Variants in NIN observed in about 807,000 individuals in gnomAD.
NIN encodes the protein ninein, also known as glycogen synthase kinase 3 beta-interacting protein.
In NIN, 137 loss-of-function variants were observed where a neutral mutation model predicts 257.6. The ratio of observed to expected loss-of-function variants is 0.53; its 90% confidence interval spans 0.46 to 0.61. NIN has a LOEUF of 0.61. Among genes scored for constraint, NIN ranks in the 20% least tolerant of loss-of-function variants. The pLI is 0.00. For synonymous variants in NIN, 918 were observed against 919.8 expected (o/e 1.00, Z 0.04); for missense variants, 2,439 against 2,501.2 (o/e 0.98, Z 0.53).
chr14:50,830,151 G>A (rs1034109172), intron 2 of NIN, among the ~76,000 whole-genome samples: 2 of 152,184 alleles, frequency 1.3e-5, no homozygotes, highest in African/African-American at 4.8e-5. Context: ...GGCTGTACGG[G>A]CGGCACATGC....
intron 3 of NIN, among the ~76,000 whole-genome samples, chr14:50,816,909 C>A (rs2044926189): frequency 6.6e-6 from 1 of 152,136 alleles, no homozygotes. Flanking sequence ...ACAGACACAA[C>A]GATGTACTGT....
At position 50,758,407 on chromosome 14, in the gene NIN, G is replaced by C; in HGVS notation, c.2623C>G (p.Leu875Val). The C allele has an allele frequency of 1.2e-6, 2 of 1,613,996 alleles. No individual in the cohort carries two copies. The highest frequency in any genetic ancestry group is 1.7e-6 in the Non-Finnish European group (2 of 1,179,862). Residue 875 changes from leucine to valine, a missense_variant, in exon 18 of 31, where the codon CTG (leucine) becomes GTG (valine). Physicochemically the swap from Leu to Val is conservative, Grantham distance 32. Around this residue, in one of 3 missense-constraint regions of NIN, gnomAD observed 2,043 missense variants for 2,050.2 expected, o/e 1.00. Coordinates refer to ENST00000530997, the MANE Select transcript of NIN (RefSeq NM_020921.4). ...TCTCTCTTAAGAGTCTCTTTCAGCA[G>C]CTCCTGGGCTTCCGCACACTCCTGG... Reference protein sequence around the residue: ...LTQECAEAQELLKETLKREKT... With the variant: ...LTQECAEAQEVLKETLKREKT...
At chr14:50,794,761 TAAAAA>T (rs900112232) in intron 4 of NIN, among the ~76,000 whole-genome samples, 1 of 125,062 alleles carries the variant, frequency 8.0e-6, no homozygotes, top group African/African-American at 2.9e-5. Context: ...ATTCAGAGGT[TAAAAA>T]AAAAAAAAAA....
At chr14:50,808,259 G>C (rs978882718) in intron 3 of NIN, among the ~76,000 whole-genome samples, 1 of 152,196 alleles carries the variant, frequency 6.6e-6, no homozygotes, top group Non-Finnish European at 1.5e-5. Flanking sequence ...GGGGCGGCCA[G>C]GTCCTGCTAC....
intron 2 of NIN, among the ~76,000 whole-genome samples, chr14:50,824,374 A>G (rs1044841595): frequency 2.0e-5 from 3 of 151,988 alleles, no homozygotes; most frequent in African/African-American, 7.3e-5. Flanking sequence ...TCTTTTCTTT[A>G]TCTCTTTATT....
At chr14:50,727,353 C>A in intron 29 of NIN, 1 of 990,368 alleles carries the variant, frequency 1.0e-6, no homozygotes. Flanking sequence ...AAAAGTAGTA[C>A]CTTTGGTTAA....
At chr14:50,790,276 G>T (rs2043535141) in intron 5 of NIN, among the ~76,000 whole-genome samples, 1 of 152,098 alleles carries the variant, frequency 6.6e-6, no homozygotes, top group Non-Finnish European at 1.5e-5. Flanking sequence ...GGCTGGTCTT[G>T]AACTCCTGGG....
rs772580772 is a variant in NIN at position 50,754,642 on chromosome 14, A to G, written c.4665-10T>C. ...AGTTTCCGTTTTTTGCCTAAAAGGA[A>G]TGATGAAAATAAAATTTAATGGTTA... On this transcript the variant is annotated splice_polypyrimidine_tract_variant and intron_variant, in intron 19 of 30. Transcript: ENST00000530997. The G allele has an allele frequency of 6.2e-7, 1 of 1,605,312 alleles. No individual in the cohort carries two copies. Among genetic ancestry groups the G allele is most frequent in the South Asian group, 1.1e-5 (1 of 89,148 alleles).
At chr14:50,820,011 C>T (rs2045123897) in intron 3 of NIN, among the ~76,000 whole-genome samples, 1 of 152,062 alleles carries the variant, frequency 6.6e-6, no homozygotes, top group South Asian at 2.1e-4. Flanking sequence ...ATGGCCAAGT[C>T]TGTGTGATCA....
chr14:50,787,189 C>A (rs1196732269), intron 5 of NIN, among the ~76,000 whole-genome samples: 2 of 152,218 alleles, frequency 1.3e-5, no homozygotes, highest in East Asian at 3.8e-4. Context: ...AAGAATCTTA[C>A]TAGACCCGAT....
intron 16 of NIN, among the ~76,000 whole-genome samples, chr14:50,761,016 C>G (rs544714572): frequency 3.9e-5 from 6 of 152,226 alleles, no homozygotes; most frequent in African/African-American, 1.4e-4. Flanking sequence ...GAACACCTAT[C>G]AGGTACTTGC....
intron 12 of NIN, among the ~76,000 whole-genome samples, chr14:50,767,594 GATC>G (rs1555383846): frequency 6.6e-6 from 1 of 152,128 alleles, no homozygotes; most frequent in Non-Finnish European, 1.5e-5. Flanking sequence ...AAGGTGGGCG[GATC>G]ATGAGGTCAG....
At position 50,770,381 on chromosome 14, in the gene NIN, T is replaced by C; in HGVS notation, c.1434+7A>G. On this transcript the variant is annotated splice_region_variant and intron_variant, in intron 12 of 30. Transcript: ENST00000530997. ...GACGCAGACCACAGAACTAATAAGA[T>C]GATTACCTTTAAAGAGAGGGCAAGG... is the stretch of plus-strand genomic sequence containing the variant. The C allele has an allele frequency of 6.2e-7, 1 of 1,613,754 alleles. No individual in the cohort carries two copies. Among genetic ancestry groups the C allele is most frequent in the East Asian group, 2.2e-5 (1 of 44,876 alleles).
intron 2 of NIN, among the ~76,000 whole-genome samples, chr14:50,826,887 A>T (rs1402207726): frequency 6.6e-6 from 1 of 152,178 alleles, no homozygotes; most frequent in Non-Finnish European, 1.5e-5. Flanking sequence ...TTGAGAGGGC[A>T]TCATAATAGA....
intron 3 of NIN, among the ~76,000 whole-genome samples, chr14:50,818,071 C>G (rs1192220467): frequency 6.6e-6 from 1 of 151,420 alleles, no homozygotes; most frequent in East Asian, 2.0e-4. Context: ...CGCCTGTAAC[C>G]CCAGCACTTT....
chr14:50,815,691 C>T (rs2044859552), intron 3 of NIN, among the ~76,000 whole-genome samples: 1 of 152,072 alleles, frequency 6.6e-6, no homozygotes, highest in Non-Finnish European at 1.5e-5. Flanking sequence ...ACATATATAC[C>T]ATGGAATACT....
chr14:50,810,230 C>CAAAAAA (rs57511926), intron 3 of NIN, among the ~76,000 whole-genome samples: 4 of 73,080 alleles, frequency 5.5e-5, no homozygotes, highest in African/African-American at 4.4e-5. Flanking sequence ...GACTCCGTCT[C>CAAAAAA]AAAAAAAAAA....
intron 3 of NIN, among the ~76,000 whole-genome samples, chr14:50,810,014 G>A (rs1223089407): frequency 6.6e-6 from 1 of 152,004 alleles, no homozygotes; most frequent in Admixed American, 6.5e-5. Context: ...GGTGGATCAC[G>A]AGGTCAGGAG....
At chr14:50,763,506 C>G (rs60842762) in intron 15 of NIN, among the ~76,000 whole-genome samples, 2,493 of 152,298 alleles carry the variant, frequency 0.016, 66 homozygotes, top group African/African-American at 0.055. Context: ...TGTCTGAATT[C>G]TAACACTCCC....
Sources: allele counts gnomAD v4.1 joint callset (sites outside exome capture counted in the v4.1 genomes callset), GRCh38; gene constraint gnomAD v4.1.1; regional missense constraint gnomAD v4.1.1; transcripts MANE v1.5; gene names NCBI Gene and HGNC (gene_info 2026-07-23, HGNC 2026-07-21).